ZNF521: variants seen among roughly 807,000 people sequenced by gnomAD.
The protein encoded by ZNF521 is zinc finger protein 521, also known as LYST-interacting protein 3.
Under a neutral mutation model 105.5 loss-of-function variants are expected in ZNF521, and 14 were observed. The ratio of observed to expected loss-of-function variants is 0.13; its 90% confidence interval spans 0.09 to 0.21. The LOEUF (loss-of-function observed/expected upper bound fraction) is 0.21, where lower values mean the gene tolerates loss of function less well. Among genes scored for constraint, ZNF521 ranks in the 10% least tolerant of loss-of-function variants. The probability of loss-of-function intolerance (pLI) is 1.00; values close to 1 mark genes in which losing one functional copy is unlikely to be tolerated. For synonymous variants in ZNF521, 635 were observed against 606.0 expected (o/e 1.05, Z -0.70); for missense variants, 1,233 against 1,629.7 (o/e 0.76, Z 4.19).
At chr18:25,197,912 C>G (rs1044244155) in intron 4 of ZNF521, among the ~76,000 whole-genome samples, 1 of 151,802 alleles carries the variant, frequency 6.6e-6, no homozygotes, top group Non-Finnish European at 1.5e-5. Flanking sequence ...TATGATCTGA[C>G]CCTTGCAGAG....
At chr18:25,279,714 T>A (rs1322655450) in intron 3 of ZNF521, among the ~76,000 whole-genome samples, 1 of 152,228 alleles carries the variant, frequency 6.6e-6, no homozygotes. Flanking sequence ...CTTCACATTA[T>A]GGGAAATAAT....
At chr18:25,143,589 C>T (rs1052382837) in intron 5 of ZNF521, among the ~76,000 whole-genome samples, 7 of 152,104 alleles carry the variant, frequency 4.6e-5, no homozygotes, top group African/African-American at 1.7e-4. Context: ...GTATTTGTAA[C>T]TATCTTCATG....
At chr18:25,234,038 T>G (rs968554655) in intron 3 of ZNF521, among the ~76,000 whole-genome samples, 2 of 152,142 alleles carry the variant, frequency 1.3e-5, no homozygotes, top group Admixed American at 6.6e-5. Flanking sequence ...AGAACAGTCA[T>G]CCTCTCTCGC....
At chr18:25,089,059 C>T (rs2033688591) in intron 7 of ZNF521, among the ~76,000 whole-genome samples, 2 of 152,216 alleles carry the variant, frequency 1.3e-5, no homozygotes, top group Admixed American at 1.3e-4. Flanking sequence ...CTTCCCCTCT[C>T]CCTTCCAATT....
chr18:25,291,713 C>T (rs1911031997), intron 3 of ZNF521, among the ~76,000 whole-genome samples: 1 of 152,142 alleles, frequency 6.6e-6, no homozygotes, highest in Admixed American at 6.5e-5. Context: ...CCACCCTTCT[C>T]GCCAAGCCCT....
intron 4 of ZNF521, among the ~76,000 whole-genome samples, chr18:25,217,782 C>G (rs1469834471): frequency 6.6e-6 from 1 of 152,166 alleles, no homozygotes; most frequent in African/African-American, 2.4e-5. Context: ...TAGATAATCA[C>G]AAAGCAGTGT....
At chr18:25,278,361 A>C (rs1568051552) in intron 3 of ZNF521, among the ~76,000 whole-genome samples, 2 of 152,218 alleles carry the variant, frequency 1.3e-5, no homozygotes, top group African/African-American at 4.8e-5. Context: ...AGGAGATTCA[A>C]GTAAAGTTAA....
Position 25,123,373 on chromosome 18 carries a change from T to C in ZNF521, c.3659-31292A>G, listed in dbSNP as rs1215670851. ...CACAGAAATGATAAAGAAAATGACA[T>C]AAGGACAAAAGGGAAAGTGACAAAC... On this transcript the variant is annotated intron_variant, in intron 5 of 7. Transcript: ENST00000361524. 3.9e-5 allele frequency among the ~76,000 whole-genome samples: 6 copies of C among 151,978 alleles called. No individual in the cohort carries two copies. In the South Asian group the frequency reaches 1.0e-3, roughly 26 times the overall value.
intron 7 of ZNF521, among the ~76,000 whole-genome samples, chr18:25,077,156 A>C (rs2033381089): frequency 6.6e-6 from 1 of 152,234 alleles, no homozygotes; most frequent in African/African-American, 2.4e-5. Context: ...AAATGCGGTC[A>C]TCAGCCCGGG....
intron 5 of ZNF521, among the ~76,000 whole-genome samples, chr18:25,182,133 T>C (rs1172480340): frequency 6.6e-6 from 1 of 152,106 alleles, no homozygotes; most frequent in Non-Finnish European, 1.5e-5. Flanking sequence ...GGACAGAAGG[T>C]AGTGATTCAA....
At chr18:25,323,684 A>G (rs903527667) in intron 2 of ZNF521, among the ~76,000 whole-genome samples, 1 of 152,168 alleles carries the variant, frequency 6.6e-6, no homozygotes, top group African/African-American at 2.4e-5. Context: ...ATTTCTCAAA[A>G]AAGTCCATGA....
intron 3 of ZNF521, among the ~76,000 whole-genome samples, chr18:25,277,153 A>C (rs577635153): frequency 2.0e-5 from 3 of 151,632 alleles, no homozygotes; most frequent in Non-Finnish European, 4.4e-5. Flanking sequence ...ACTGCACTCC[A>C]GCCTGAGTGA....
At chr18:25,350,810 C>A in intron 2 of ZNF521, 97 bp downstream of exon 2, 4 of 1,388,270 alleles carry the variant, frequency 2.9e-6, no homozygotes, top group Non-Finnish European at 2.9e-6. Flanking sequence ...CTCACACTCA[C>A]GCGCGCACAC....
At chr18:25,089,131 G>C (rs543066148) in intron 7 of ZNF521, among the ~76,000 whole-genome samples, 2 of 152,158 alleles carry the variant, frequency 1.3e-5, no homozygotes, top group African/African-American at 4.8e-5. Flanking sequence ...AGTGGGAACA[G>C]AACATGAATA....
chr18:25,337,360 G>A (rs1913950413), intron 2 of ZNF521, among the ~76,000 whole-genome samples: 1 of 152,166 alleles, frequency 6.6e-6, no homozygotes, highest in African/African-American at 2.4e-5. Flanking sequence ...ACCACCCACA[G>A]AGTCAAAAGG....
Position 25,192,873 on chromosome 18 carries a change from C to T in ZNF521, c.3658+2287G>A, listed in dbSNP as rs183088286. Among the ~76,000 whole-genome samples, 248 of 152,186 alleles carry T rather than the reference C, an allele frequency of 1.6e-3. 1 individual carries two copies. In the Middle Eastern group the frequency reaches 0.031, roughly 19 times the overall value. ...TTTTTGCATTCTCTCTAGATACTAA[C>T]AGCACAAATAGGGTGTAAGGACTTG... On this transcript the variant is annotated intron_variant, in intron 5 of 7. Coordinates refer to ENST00000361524, the MANE Select transcript of ZNF521 (RefSeq NM_015461.3).
At chr18:25,323,836 TA>T (rs774832159) in intron 2 of ZNF521, among the ~76,000 whole-genome samples, 2 of 151,850 alleles carry the variant, frequency 1.3e-5, no homozygotes, top group Non-Finnish European at 2.9e-5. Flanking sequence ...ACATCTTCAA[TA>T]AACAACTATA....
chr18:25,112,867 C>G (rs1337108499), intron 5 of ZNF521, among the ~76,000 whole-genome samples: 1 of 152,124 alleles, frequency 6.6e-6, no homozygotes, highest in Non-Finnish European at 1.5e-5. Flanking sequence ...AGTAAGTCTG[C>G]ATGCCGTAGA....
chr18:25,241,741 A>G (rs45577838), intron 3 of ZNF521, among the ~76,000 whole-genome samples: 1 of 151,302 alleles, frequency 6.6e-6, no homozygotes, highest in Admixed American at 6.6e-5. Flanking sequence ...GGACAGATTC[A>G]AAAACAATGC....
Sources: gnomAD v4.1 joint callset for allele counts (sites outside exome capture counted in the v4.1 genomes callset) on GRCh38, gnomAD v4.1.1 for gene constraint, MANE v1.5 for transcripts, NCBI Gene and HGNC (gene_info 2026-07-23, HGNC 2026-07-21) for gene names.